Variants in CUX1 observed in about 807,000 individuals in gnomAD.
CUX1 encodes protein CASP.
CUX1 carries 31 observed loss-of-function variants against 158.8 expected under a neutral mutation model. That is an observed-to-expected ratio of 0.20 (90% confidence interval 0.15 to 0.26). The LOEUF is 0.26. Among genes scored for constraint, CUX1 ranks in the 10% least tolerant of loss-of-function variants. CUX1 has a pLI of 1.00. For synonymous variants in CUX1, 879 were observed against 862.1 expected, an observed-to-expected ratio of 1.02 and a Z score of -0.34; for missense variants, 1,589 against 2,014.6, an observed-to-expected ratio of 0.79 and a Z score of 4.04.
intron 10 of CUX1, among the ~76,000 whole-genome samples, chr7:102,173,166 C>T (rs1428539478): frequency 2.6e-5 from 4 of 152,028 alleles, no homozygotes; most frequent in Non-Finnish European, 4.4e-5. Flanking sequence ...TTGAGACCAG[C>T]CTGGCCAATA....
chr7:102,149,246 A>T, intron 8 of CUX1, among the ~76,000 whole-genome samples: 1 of 152,060 alleles, frequency 6.6e-6, no homozygotes, highest in East Asian at 1.9e-4. Flanking sequence ...CTCATCCTCC[A>T]GGGTACAGAC....
intron 2 of CUX1, among the ~76,000 whole-genome samples, chr7:102,006,375 T>C (rs1817380313): frequency 6.6e-6 from 1 of 152,100 alleles, no homozygotes; most frequent in African/African-American, 2.4e-5. Flanking sequence ...CTCATCTCGG[T>C]AGAATGGATT....
intron 4 of CUX1, among the ~76,000 whole-genome samples, chr7:102,085,646 T>C (rs1827884096): frequency 6.6e-6 from 1 of 152,202 alleles, no homozygotes; most frequent in South Asian, 2.1e-4. Context: ...CTCTTTCCTT[T>C]ACAAATTACC....
chr7:102,250,062 GAAAAA>G lies in CUX1; in HGVS notation c.*1028_*1032del, dbSNP rs556237321. On this transcript the variant is annotated 3_prime_UTR_variant, in exon 24 of 24. Coordinates refer to ENST00000292535, the MANE Select transcript of CUX1 (RefSeq NM_181552.4). Reference sequence around the variant, plus strand: ...TCAGGACAAAAAAAAGAAAAAAAAAGAAAAAAAAAAAAGAAAAGATCCGAATCTAG... The same window carrying G: ...TCAGGACAAAAAAAAGAAAAAAAAAGAAAAAAAGAAAAGATCCGAATCTAG... The G allele has an allele frequency of 6.2e-6, 5 of 802,754 alleles. No individual in the cohort carries two copies. The highest frequency in any genetic ancestry group is 5.9e-6 in the Non-Finnish European group (4 of 674,806). 49.7% of individuals were successfully genotyped at this position (802,754 alleles called of 1,614,324 possible).
intron 1 of CUX1, among the ~76,000 whole-genome samples, chr7:101,906,100 A>G (rs541066124): frequency 2.0e-5 from 3 of 151,912 alleles, no homozygotes; most frequent in Admixed American, 1.3e-4. Flanking sequence ...TGTTGGGATT[A>G]CAGGTGTGAG....
At chr7:102,021,162 G>T (rs930172897) in intron 2 of CUX1, among the ~76,000 whole-genome samples, 3 of 152,116 alleles carry the variant, frequency 2.0e-5, no homozygotes, top group Non-Finnish European at 4.4e-5. Flanking sequence ...AAGGAGAAAG[G>T]GTCCCACCCC....
chr7:101,968,935 C>CTGTGTT (rs1205950675), intron 2 of CUX1, among the ~76,000 whole-genome samples: 2 of 152,104 alleles, frequency 1.3e-5, no homozygotes, highest in Non-Finnish European at 2.9e-5. Context: ...GTCAGGCCAG[C>CTGTGTT]TGTGGGCTAG....
Position 102,254,191 on chromosome 7 carries a change from G to A in CUX1, c.*5149G>A, listed in dbSNP as rs527792119. On this transcript the variant is annotated 3_prime_UTR_variant, in exon 24 of 24. Coordinates refer to ENST00000292535, the MANE Select transcript of CUX1 (RefSeq NM_181552.4). The stretch of plus-strand genomic sequence containing the variant: ...GCTGTTTCTTTTGCAGGCAGGGCGT[G>A]GTCTCGGGGCTCCGAGGGTCTTGTC... 4.1e-6 allele frequency: 4 copies of A among 985,494 alleles called. No homozygotes were observed. Among genetic ancestry groups the A allele is most frequent in the Non-Finnish European group, 4.8e-6 (4 of 830,112 alleles). The allele number at this position is 985,494 out of a possible 1,614,324, so 61.0% of individuals were successfully genotyped here.
chr7:102,030,691 G>GGTTTTTTTTT (rs537970250), intron 3 of CUX1, among the ~76,000 whole-genome samples: 5,802 of 119,296 alleles, frequency 0.049, 602 homozygotes, highest in African/African-American at 0.17. Context: ...TTTAAAAAGT[G>GGTTTTTTTTT]TTTTTTTTTT....
chr7:102,105,761 C>T (rs1830280726), intron 6 of CUX1, among the ~76,000 whole-genome samples: 1 of 152,058 alleles, frequency 6.6e-6, no homozygotes, highest in Non-Finnish European at 1.5e-5. Context: ...GATCCACCCA[C>T]CTCAGCCTTT....
intron 22 of CUX1, among the ~76,000 whole-genome samples, chr7:102,237,186 T>C (rs1799661166): frequency 6.6e-6 from 1 of 152,226 alleles, no homozygotes; most frequent in Non-Finnish European, 1.5e-5. Flanking sequence ...TGAGTTCTCA[T>C]GACAAAATGG....
At chr7:102,232,322 A>G (rs1799093246) in intron 21 of CUX1, among the ~76,000 whole-genome samples, 4 of 152,066 alleles carry the variant, frequency 2.6e-5, no homozygotes, top group Non-Finnish European at 4.4e-5. Context: ...TTCTTTAGGG[A>G]AAAAAATTAA....
intron 18 of CUX1, 84 bp from the exon 19 acceptor site, chr7:102,204,307 G>C: frequency 2.6e-6 from 4 of 1,548,406 alleles, no homozygotes; most frequent in Non-Finnish European, 3.5e-6. Flanking sequence ...CGCCCTCTGC[G>C]TGGTGGGTGT....
intron 1 of CUX1, among the ~76,000 whole-genome samples, chr7:101,841,839 C>T (rs1272273595): frequency 6.6e-6 from 1 of 152,136 alleles, no homozygotes; most frequent in Admixed American, 6.5e-5. Flanking sequence ...GGATTACAGG[C>T]ATGAGCCACC....
chr7:102,091,506 T>C (rs1554482200), intron 4 of CUX1, among the ~76,000 whole-genome samples: 2 of 151,642 alleles, frequency 1.3e-5, no homozygotes, highest in South Asian at 2.1e-4. Context: ...TAATTTTTTA[T>C]CTTTTATTTG....
intron 8 of CUX1, among the ~76,000 whole-genome samples, chr7:102,129,960 A>G (rs1833037899): frequency 6.6e-6 from 1 of 152,106 alleles, no homozygotes; most frequent in Admixed American, 6.5e-5. Context: ...GATTTCGTTA[A>G]AAAACTTTTT....
chr7:101,855,983 T>C (rs1369377020), intron 1 of CUX1, among the ~76,000 whole-genome samples: 5 of 151,370 alleles, frequency 3.3e-5, no homozygotes, highest in African/African-American at 1.2e-4. Flanking sequence ...AGTTTGTGAC[T>C]AGCCTGGGCA....
At chr7:101,848,051 C>CAAAAAAAAAAAAAAATA (rs1795879580) in intron 1 of CUX1, among the ~76,000 whole-genome samples, 1 of 65,378 alleles carries the variant, frequency 1.5e-5, no homozygotes, top group Non-Finnish European at 2.7e-5. Flanking sequence ...GAGCAAGACT[C>CAAAAAAAAAAAAAAATA]AAAAAAAAAA....
chr7:102,204,314 G>T, intron 18 of CUX1, 77 bp from the exon 19 acceptor site: 1 of 1,562,568 alleles, frequency 6.4e-7, no homozygotes, highest in East Asian at 2.3e-5. Flanking sequence ...TGCGTGGTGG[G>T]TGTGCATTGC....
Sources: allele counts gnomAD v4.1 joint callset (sites outside exome capture counted in the v4.1 genomes callset), GRCh38; gene constraint gnomAD v4.1.1; transcripts MANE v1.5; gene names NCBI Gene and HGNC (gene_info 2026-07-23, HGNC 2026-07-21).